Variants in BRWD1 observed in about 807,000 individuals in gnomAD.
The protein encoded by BRWD1 is bromodomain and WD repeat domain containing 1.
Under a neutral mutation model 251.2 loss-of-function variants are expected in BRWD1, and 82 were observed. That is an observed-to-expected ratio of 0.33 (90% CI 0.27 to 0.39). The LOEUF is 0.39. Among genes scored for constraint, BRWD1 ranks in the 10% least tolerant of loss-of-function variants. The pLI, the probability that BRWD1 is intolerant of heterozygous loss-of-function variation, is 1.00. For synonymous variants in BRWD1, 918 were observed against 902.8 expected (o/e 1.02, Z -0.30); for missense variants, 2,233 against 2,711.6 (o/e 0.82, Z 3.92).
At chr21:39,299,858 C>T (rs191433735) in intron 4 of BRWD1, among the ~76,000 whole-genome samples, 154 of 151,834 alleles carry the variant, frequency 1.0e-3, no homozygotes, top group African/African-American at 3.7e-3. Context: ...TGGTAGGCGC[C>T]TGTAATCCCA....
chr21:39,208,146 T>G (rs945381424), intron 36 of BRWD1, among the ~76,000 whole-genome samples: 2 of 152,242 alleles, frequency 1.3e-5, no homozygotes, highest in African/African-American at 4.8e-5. Flanking sequence ...ACCATAGTTT[T>G]GAACAACTGA....
intron 13 of BRWD1, among the ~76,000 whole-genome samples, chr21:39,272,755 A>C (rs1381942174): frequency 6.6e-6 from 1 of 151,750 alleles, no homozygotes; most frequent in South Asian, 2.1e-4. Context: ...TTACAGGCGC[A>C]TGCCACCATA....
chr21:39,244,577 T>C (rs1451225203), intron 21 of BRWD1, among the ~76,000 whole-genome samples: 2 of 152,326 alleles, frequency 1.3e-5, no homozygotes, highest in East Asian at 1.9e-4. Context: ...TTTTTACATA[T>C]TGATTGTATG....
intron 4 of BRWD1, among the ~76,000 whole-genome samples, chr21:39,312,311 G>A (rs2036513299): frequency 6.6e-6 from 1 of 152,186 alleles, no homozygotes; most frequent in South Asian, 2.1e-4. Flanking sequence ...GCACTACAGT[G>A]GCATATTCAT....
intron 8 of BRWD1, among the ~76,000 whole-genome samples, chr21:39,286,714 T>A (rs530847541): frequency 6.6e-6 from 1 of 151,366 alleles, no homozygotes; most frequent in South Asian, 2.1e-4. Context: ...CAGGGTTTCA[T>A]TATGTTGGTC....
In BRWD1 at chr21:39,313,631, C is replaced by T; in HGVS notation, c.-140G>A. On this transcript the variant is annotated 5_prime_UTR_variant, in exon 1 of 41. Coordinates refer to ENST00000342449, the MANE Select transcript of BRWD1 (RefSeq NM_033656.4). ...GCCGCCGCCATACCGTGCGCGCCGC[C>T]TGGACCGACGCCTCCGCGGGGGAGG... 1.7e-6 allele frequency: 1 copy of T among 579,232 alleles called. No individual in the cohort carries two copies. Among genetic ancestry groups the T allele is most frequent in the Non-Finnish European group, 2.5e-6 (1 of 397,386 alleles). 35.9% of individuals were successfully genotyped at this position (579,232 alleles called of 1,614,324 possible).
chr21:39,290,558 C>T (rs530838282), intron 8 of BRWD1, among the ~76,000 whole-genome samples: 68 of 151,188 alleles, frequency 4.5e-4, no homozygotes, highest in Admixed American at 1.1e-3. Context: ...AGGTGATAAA[C>T]GCATGTGAGC....
rs1333680374 is a variant in BRWD1 at position 39,196,917 on chromosome 21, G to C, written c.6152C>G (p.Ser2051Cys). ...PSKRKSSSVTSSGEDSKSHIP... is the reference protein window; with the variant it reads ...PSKRKSSSVTCSGEDSKSHIP... ...ATGACTTTTTGAATCTTCTCCTGAA[G>C]ATGTAACAGAGGAACTTTTTCTTTT... The change falls in exon 41 of 41, where the codon TCT becomes TGT. Residue 2051 changes from serine (S) to cysteine (C), a missense_variant. By Grantham distance (112) the Ser-to-Cys change is moderately radical (BLOSUM62 -1). Around this residue, in one of 12 missense-constraint regions of BRWD1, gnomAD observed 928 missense variants for 970.0 expected, o/e 0.96. Coordinates refer to ENST00000342449, the MANE Select transcript of BRWD1 (RefSeq NM_033656.4). 6.2e-7 allele frequency: 1 copy of C among 1,613,912 alleles called. No homozygotes were observed. The highest frequency in any genetic ancestry group is 1.7e-5 in the Admixed American group (1 of 60,006).
chr21:39,268,783 G>A (rs2035008085), intron 15 of BRWD1, among the ~76,000 whole-genome samples: 1 of 152,044 alleles, frequency 6.6e-6, no homozygotes, highest in African/African-American at 2.4e-5. Flanking sequence ...TCAAGAGATG[G>A]AGACCATCCT....
At chr21:39,310,643 A>C (rs1373322927) in intron 4 of BRWD1, among the ~76,000 whole-genome samples, 2 of 152,154 alleles carry the variant, frequency 1.3e-5, no homozygotes, top group East Asian at 1.9e-4. Context: ...GATGATATAC[A>C]GCGGTGCATT....
rs1193298022 is a variant in BRWD1, at chr21:39,187,902, A to G, written c.*8357T>C. ...CTAACCTAGCCTAAGGGATCAAGGA[A>G]GGCTTCCTTTAAGGAAGCTTTTAGA... On this transcript the variant is annotated 3_prime_UTR_variant, in exon 41 of 41. Coordinates refer to ENST00000342449, the MANE Select transcript of BRWD1 (RefSeq NM_033656.4). 1.0e-6 allele frequency: 1 copy of G among 980,816 alleles called. No homozygotes were observed. Among genetic ancestry groups the G allele is most frequent in the Non-Finnish European group, 1.2e-6 (1 of 825,758 alleles). The allele number at this position is 980,816 out of a possible 1,614,324, so 60.8% of individuals were successfully genotyped here.
intron 23 of BRWD1, among the ~76,000 whole-genome samples, chr21:39,232,743 T>G (rs1055846429): frequency 6.6e-6 from 1 of 152,322 alleles, no homozygotes; most frequent in African/African-American, 2.4e-5. Flanking sequence ...AGATTCTTCA[T>G]GCTATTTTAC....
chr21:39,252,752 A>G (rs141225236), intron 19 of BRWD1, among the ~76,000 whole-genome samples: 1 of 152,338 alleles, frequency 6.6e-6, no homozygotes, highest in East Asian at 1.9e-4. Flanking sequence ...TGCTGCTCTA[A>G]ATAGATACTG....
At chr21:39,303,050 G>A (rs534342117) in intron 4 of BRWD1, among the ~76,000 whole-genome samples, 1 of 151,770 alleles carries the variant, frequency 6.6e-6, no homozygotes, top group African/African-American at 2.4e-5. Context: ...CAGAGACTCC[G>A]TCTCAAAAAA....
In BRWD1 at chr21:39,250,791, G is replaced by A; in HGVS notation, c.2349+5C>T. On this transcript the variant is annotated splice_donor_5th_base_variant and intron_variant, in intron 20 of 40. Coordinates refer to ENST00000342449, the MANE Select transcript of BRWD1 (RefSeq NM_033656.4). ...AATTTGCTAAGAAAACAGAATTTAG[G>A]TTACCTTATGTGAGAGCTGAAGAGT... 2 of 1,530,628 alleles carry A rather than the reference G, an allele frequency of 1.3e-6. No homozygotes were observed. The highest frequency in any genetic ancestry group is 8.9e-7 in the Non-Finnish European group (1 of 1,129,936). 94.8% of individuals were successfully genotyped at this position (1,530,628 alleles called of 1,614,324 possible).
chr21:39,213,806 A>G (rs547987130), intron 32 of BRWD1, among the ~76,000 whole-genome samples: 2 of 151,988 alleles, frequency 1.3e-5, no homozygotes, highest in Non-Finnish European at 2.9e-5. Flanking sequence ...AAAATAATAT[A>G]TGTATGGCCT....
rs1309577340 is a variant in BRWD1 at position 39,188,761 on chromosome 21, C to G, written c.*7498G>C. ...TCTCCCCAGAATAGGTTAGGAAATA[C>G]TTTATTCAAAGCAACCCCACCACAT... On this transcript the variant is annotated 3_prime_UTR_variant, in exon 41 of 41. Transcript: ENST00000342449. 2.0e-6 allele frequency: 2 copies of G among 985,288 alleles called. No homozygotes were observed. Among genetic ancestry groups the G allele is most frequent in the African/African-American group, 3.5e-5 (2 of 57,246 alleles). The allele number at this position is 985,288 out of a possible 1,614,324, so 61.0% of individuals were successfully genotyped here.
intron 9 of BRWD1, among the ~76,000 whole-genome samples, chr21:39,279,888 A>G (rs2035404008): frequency 6.6e-6 from 1 of 152,124 alleles, no homozygotes; most frequent in Non-Finnish European, 1.5e-5. Flanking sequence ...TATACCTATT[A>G]TTTTAAATGC....
At position 39,312,868 on chromosome 21, in the gene BRWD1, GTT is replaced by G; in HGVS notation, c.169_170del (p.Asn57ArgfsTer14). ...ACTCCTCGTAGCTCCTGTTGTGCTC[GTT>G]GCCCTCCCAGTCCAATCTCTTCGGC... is the stretch of plus-strand genomic sequence containing the variant. The part of the protein sequence containing the change: ...LLPKRLDWEG[N>X]EHNRSYEELV... On this transcript the variant is annotated frameshift_variant, in exon 4 of 41. Coordinates refer to ENST00000342449, the MANE Select transcript of BRWD1 (RefSeq NM_033656.4). LOFTEE classifies it high-confidence loss of function. 6.4e-7 allele frequency: 1 copy of G among 1,562,056 alleles called. No homozygotes were observed. Among genetic ancestry groups the G allele is most frequent in the Non-Finnish European group, 8.6e-7 (1 of 1,156,908 alleles).
Sources: gnomAD v4.1 joint callset for allele counts (sites outside exome capture counted in the v4.1 genomes callset) on GRCh38, gnomAD v4.1.1 for gene constraint, gnomAD v4.1.1 regional missense constraint, MANE v1.5 for transcripts, NCBI Gene and HGNC (gene_info 2026-07-23, HGNC 2026-07-21) for gene names.